GNAT2: variants seen among roughly 807,000 people sequenced by gnomAD.
The protein encoded by GNAT2 is G protein subunit alpha transducin 2, also known as guanine nucleotide-binding protein G(t) subunit alpha-2.
Under a neutral mutation model 40.9 loss-of-function variants are expected in GNAT2, and 32 were observed. The ratio of observed to expected loss-of-function variants is 0.78; its 90% CI spans 0.59 to 1.05. The LOEUF is 1.05. GNAT2 is among the 50% of genes least tolerant of loss of function. The pLI is 0.00. For synonymous variants in GNAT2, 141 were observed against 157.2 expected (o/e 0.90, Z 0.77); for missense variants, 355 against 431.5 (o/e 0.82, Z 1.57).
chr1:109,605,509 A>G lies in GNAT2; in HGVS notation c.720+461T>C, dbSNP rs370527045. 6.7e-5 allele frequency: 19 copies of G among 282,938 alleles called. No individual in the cohort carries two copies. In the East Asian group the frequency reaches 1.7e-3, roughly 25 times the overall value. The allele number at this position is 282,938 out of a possible 1,614,324, so 17.5% of individuals were successfully genotyped here. A position where few individuals can be genotyped will look rare whatever the true frequency, so the allele number is the denominator to read the frequency against. ...CTCTCCTTAAACTCCTACGGACAGT[A>G]CATTTTTAGCCTCCTAAGTGGGGTT... On this transcript the variant is annotated intron_variant, in intron 7 of 8. Coordinates refer to ENST00000679935, the MANE Select transcript of GNAT2 (RefSeq NM_001377295.2).
At chr1:109,614,793 C>T (rs1446612771) in intron 1 of GNAT2, 1 of 152,230 alleles carries the variant, frequency 6.6e-6, no homozygotes, top group South Asian at 2.1e-4. Context: ...CTTCGCACCA[C>T]CTTTCAGTGA....
At position 109,605,984 on chromosome 1, in the gene GNAT2, C is replaced by T; in HGVS notation, c.706G>A (p.Glu236Lys). The T allele has an allele frequency of 6.2e-7, 1 of 1,613,842 alleles. No homozygotes were observed. Among genetic ancestry groups the T allele is most frequent in the Non-Finnish European group, 8.5e-7 (1 of 1,179,784 alleles). ...ALSAYDMVLV[E>K]DDEVNRMHES... Reference sequence around the variant, plus strand: ...AGGCCACTCACCACTTCGTCATCTTCCACCAGCACCATATCATAGGCACTG... The same window carrying T: ...AGGCCACTCACCACTTCGTCATCTTTCACCAGCACCATATCATAGGCACTG... The change falls in exon 7 of 9, where the codon GAA becomes AAA. Residue 236 changes from glutamate (E) to lysine (K), a missense_variant. Glu to Lys is a moderately conservative substitution (Grantham distance 56). Coordinates refer to ENST00000679935, the MANE Select transcript of GNAT2 (RefSeq NM_001377295.2).
rs1364641553 is a variant in GNAT2 at position 109,603,963 on chromosome 1, G to T, written c.862C>A (p.Pro288Thr). 2.5e-6 allele frequency: 4 copies of T among 1,607,762 alleles called. No homozygotes were observed. The African/African-American group carries it at 4.0e-5, about 16-fold the overall frequency. Residue 288 changes from proline (P) to threonine (T), a missense_variant, in exon 8 of 9, where the codon CCA (proline) becomes ACA (threonine). Transcript: ENST00000679935. Reference protein sequence around the residue: ...IKKVHLSICFPEYDGNNSYDD... With the variant: ...IKKVHLSICFTEYDGNNSYDD... ...CCCTGACACTTACCATCATACTCTG[G>T]AAAACAAATGCTGAGATGGACTTTC...
chr1:109,613,331 A>G (rs897562755), intron 1 of GNAT2: 2 of 246,850 alleles, frequency 8.1e-6, no homozygotes, highest in Non-Finnish European at 1.6e-5. Context: ...GCACATATGT[A>G]GAAAGCATTC....
At chr1:109,610,331 G>A (rs1014690612) in intron 3 of GNAT2, 134 bp downstream of exon 3, 21 of 1,184,850 alleles carry the variant, frequency 1.8e-5, no homozygotes, top group Middle Eastern at 1.9e-4. Flanking sequence ...AAGGGGTACA[G>A]ATGAGGGGCA....
intron 6 of GNAT2, 89 bp from the exon 7 acceptor site, chr1:109,606,188 A>G: frequency 6.4e-7 from 1 of 1,567,950 alleles, no homozygotes; most frequent in Non-Finnish European, 8.8e-7. Flanking sequence ...GGAGAGGAAA[A>G]GGGGGAGAAG....
At chr1:109,610,342 T>C in intron 3 of GNAT2, 123 bp downstream of exon 3, 4 of 1,195,524 alleles carry the variant, frequency 3.3e-6, no homozygotes, top group Non-Finnish European at 5.0e-6. Flanking sequence ...ATGAGGGGCA[T>C]TGGAATCAGA....
chr1:109,611,124 C>T (rs995105741), intron 2 of GNAT2: 1 of 163,468 alleles, frequency 6.1e-6, no homozygotes, highest in Admixed American at 5.8e-5. Flanking sequence ...GATCCTCCCA[C>T]CTCAGTCTCC....
chr1:109,605,750 C>G (rs1649572300), intron 7 of GNAT2: 5 of 509,816 alleles, frequency 9.8e-6, no homozygotes, highest in Non-Finnish European at 1.4e-5. Flanking sequence ...AATTTGAGAC[C>G]AAGCTCACTG....
intron 2 of GNAT2, chr1:109,610,758 T>C (rs1000319383): frequency 8.7e-6 from 5 of 575,064 alleles, no homozygotes; most frequent in Admixed American, 2.9e-5. Context: ...TCAGCAGCAT[T>C]CCTGGCCTCT....
chr1:109,612,697 T>G, intron 2 of GNAT2, 56 bp downstream of exon 2: 1 of 1,083,510 alleles, frequency 9.2e-7, no homozygotes, highest in East Asian at 2.3e-5. Flanking sequence ...CACCAACCCT[T>G]CAGGAAAGTA....
At chr1:109,603,630 T>C in intron 8 of GNAT2, 86 bp from the exon 9 acceptor site, 1 of 910,468 alleles carries the variant, frequency 1.1e-6, no homozygotes, top group Admixed American at 1.7e-5. Flanking sequence ...ACTTGATCCT[T>C]GAAATGTTAT....
At chr1:109,610,534 G>T in intron 2 of GNAT2, 27 bp from the exon 3 acceptor site, 2 of 1,606,354 alleles carry the variant, frequency 1.2e-6, no homozygotes, top group Non-Finnish European at 1.7e-6. Context: ...TTATGCTTTC[G>T]ATTTCCACCA....
rs1553226581 is a variant in GNAT2, at chr1:109,605,965, C to G, written c.720+5G>C. ...CCAAAGCTGCTTGATGCAAAGGCCA[C>G]TCACCACTTCGTCATCTTCCACCAG... On this transcript the variant is annotated splice_donor_5th_base_variant and intron_variant, in intron 7 of 8. Transcript: ENST00000679935. 6.2e-7 allele frequency: 1 copy of G among 1,613,408 alleles called. No individual in the cohort carries two copies. Among genetic ancestry groups the G allele is most frequent in the Middle Eastern group, 1.7e-4 (1 of 5,816 alleles).
chr1:109,616,711 G>A (rs184243289), intron 1 of GNAT2: 1 of 152,342 alleles, frequency 6.6e-6, no homozygotes, highest in East Asian at 1.9e-4. Context: ...TTCTACAGCG[G>A]AAGAAAGAAA....
chr1:109,612,764 A>C lies in GNAT2; in HGVS notation c.107T>G (p.Leu36Arg), dbSNP rs1240543072. 2 of 1,588,504 alleles carry C rather than the reference A, an allele frequency of 1.3e-6. No individual in the cohort carries two copies. Among genetic ancestry groups the C allele is most frequent in the Non-Finnish European group, 1.7e-6 (2 of 1,156,702 alleles). Residue 36 changes from leucine (L) to arginine (R), a missense_variant, in exon 2 of 9, where the codon CTG becomes CGG. Leu to Arg is a moderately radical substitution (Grantham distance 102, BLOSUM62 -2). Coordinates refer to ENST00000679935, the MANE Select transcript of GNAT2 (RefSeq NM_001377295.2). ...CCCATCTCACTCACCCAGCAGTAGC[A>C]GCTTGACAGTCTTGGCTTCCTTATC... ...DADKEAKTVK[L>R]LLLGAGESGK...
Position 109,603,263 on chromosome 1 carries a change from C to T in GNAT2, c.*91G>A. 1.3e-6 allele frequency: 1 copy of T among 745,834 alleles called. No individual in the cohort carries two copies. The allele number at this position is 745,834 out of a possible 1,614,324, so 46.2% of individuals were successfully genotyped here. ...ATCTCCAAAGAATGGATTCATTCTTCATGTCATGGTATATTGACTATAATT... is the reference window on the plus strand; with the variant it reads ...ATCTCCAAAGAATGGATTCATTCTTTATGTCATGGTATATTGACTATAATT... On this transcript the variant is annotated 3_prime_UTR_variant, in exon 9 of 9. Coordinates refer to ENST00000679935, the MANE Select transcript of GNAT2 (RefSeq NM_001377295.2).
chr1:109,605,704 T>G (rs754049350), intron 7 of GNAT2: 3 of 434,202 alleles, frequency 6.9e-6, no homozygotes, highest in Admixed American at 3.4e-5. Context: ...ATTCCTCTTA[T>G]GAGCTTTGTG....
intron 7 of GNAT2, 29 bp from the exon 8 acceptor site, chr1:109,604,133 T>A: frequency 6.3e-7 from 1 of 1,584,388 alleles, no homozygotes; most frequent in Non-Finnish European, 8.7e-7. Flanking sequence ...ATTGGAAATA[T>A]CAGATTTGGC....
Sources: allele counts gnomAD v4.1 joint callset, GRCh38; gene constraint gnomAD v4.1.1; transcripts MANE v1.5; gene names NCBI Gene and HGNC (gene_info 2026-07-23, HGNC 2026-07-21).